MSANTD7: variants seen among roughly 807,000 people sequenced by gnomAD.
The protein encoded by MSANTD7 is Myb/SANT DNA binding domain containing 7.
the MSANTD7 span, chr10:14,845,954 T>C: frequency 3.4e-6 from 3 of 871,570 alleles, no homozygotes; most frequent in Non-Finnish European, 4.1e-6. Flanking sequence ...AAATTTGAAA[T>C]AGCATAATAA....
chr10:14,841,086 ATCTCTTACCTGTTTATCTTATTTTCTG>A, the MSANTD7 span: 17 of 152,194 alleles, frequency 1.1e-4, no homozygotes, highest in African/African-American at 4.1e-4. Context: ...TTATGCAGGT[ATCTCTTACCTGTTTATCTTATTTTCTG>A]TCTCTTACCT....
At chr10:14,842,796 T>A in the MSANTD7 span, 2 of 1,536,312 alleles carry the variant, frequency 1.3e-6, no homozygotes, top group Non-Finnish European at 1.7e-6. This position sits in a 1 kb window ranked among gnomAD's most constrained non-coding sequence, Gnocchi z 5.2. Flanking sequence ...AGTGACCGGA[T>A]ACGAGAAACC....
the MSANTD7 span, chr10:14,844,922 T>C: frequency 8.1e-6 from 8 of 985,352 alleles, no homozygotes; most frequent in African/African-American, 1.4e-4. Context: ...CTAGAAACGT[T>C]TCCTTTTGAG....
At chr10:14,844,070 G>T in the MSANTD7 span, 3 of 1,428,504 alleles carry the variant, frequency 2.1e-6, no homozygotes, top group Non-Finnish European at 2.7e-6. Flanking sequence ...TCCACCAAAT[G>T]GAAGACCTTT....
the MSANTD7 span, chr10:14,838,364 G>C: frequency 2.1e-5 from 33 of 1,572,844 alleles, no homozygotes; most frequent in Non-Finnish European, 2.8e-5. Context: ...TGCTGTTGGG[G>C]GACCCCCTCA....
the MSANTD7 span, among the ~76,000 whole-genome samples, chr10:14,840,610 C>A: frequency 2.6e-5 from 4 of 152,118 alleles, no homozygotes; most frequent in African/African-American, 9.7e-5. Flanking sequence ...ACTTGACTTA[C>A]AAATTTAATC....
the MSANTD7 span, chr10:14,846,643 ACT>A: frequency 1.1e-6 from 1 of 946,316 alleles, no homozygotes; most frequent in Non-Finnish European, 1.3e-6. Flanking sequence ...AAAGTGGGAA[ACT>A]CATAATTGTC....
chr10:14,842,144 G>A, the MSANTD7 span: 2,160 of 1,534,118 alleles, frequency 1.4e-3, 4 homozygotes, highest in Non-Finnish European at 1.7e-3. The surrounding 1 kb of genome is among the most constrained non-coding windows in gnomAD (Gnocchi z 5.2). Flanking sequence ...CCAGAAATGC[G>A]GTCCTTGGAC....
At chr10:14,843,600 C>T in the MSANTD7 span, 17 of 1,550,572 alleles carry the variant, frequency 1.1e-5, no homozygotes, top group African/African-American at 2.3e-4. Flanking sequence ...CCAGTGAGCC[C>T]CCTCCAAGGT....
chr10:14,842,788 T>TGAC, the MSANTD7 span: 1 of 1,536,408 alleles, frequency 6.5e-7, no homozygotes, highest in Non-Finnish European at 8.7e-7. This position sits in a 1 kb window ranked among gnomAD's most constrained non-coding sequence, Gnocchi z 5.2. Flanking sequence ...TAAGAATCAG[T>TGAC]GACCGGATAC....
At chr10:14,843,070 C>T in the MSANTD7 span, among the ~76,000 whole-genome samples, 77 of 152,344 alleles carry the variant, frequency 5.1e-4, no homozygotes, top group African/African-American at 1.6e-3. Context: ...CCTAGAAGTG[C>T]TCTCTAGAAC....
At chr10:14,842,744 A>C in the MSANTD7 span, 1 of 1,536,578 alleles carries the variant, frequency 6.5e-7, no homozygotes, top group Non-Finnish European at 8.7e-7. This position sits in a 1 kb window ranked among gnomAD's most constrained non-coding sequence, Gnocchi z 5.2. Context: ...GCCTATCTTG[A>C]AAACAGTTAA....
the MSANTD7 span, chr10:14,842,629 T>C: frequency 3.9e-6 from 6 of 1,536,116 alleles, no homozygotes; most frequent in African/African-American, 1.4e-5. This position sits in a 1 kb window ranked among gnomAD's most constrained non-coding sequence, Gnocchi z 5.2. Flanking sequence ...TGGAGGATGC[T>C]GCTTGGGCCA....
At chr10:14,841,025 T>G in the MSANTD7 span, 1 of 152,196 alleles carries the variant, frequency 6.6e-6, no homozygotes, top group East Asian at 1.9e-4. Flanking sequence ...AGTGAGAATT[T>G]AAGTAAAAAT....
At chr10:14,839,891 GT>G in the MSANTD7 span, 1 of 1,603,816 alleles carries the variant, frequency 6.2e-7, no homozygotes. Flanking sequence ...TGTATTTCGT[GT>G]TTTTTTCTCT....
At chr10:14,846,745 G>A in the MSANTD7 span, 1 of 985,320 alleles carries the variant, frequency 1.0e-6, no homozygotes, top group Non-Finnish European at 1.2e-6. Flanking sequence ...CATGTAACAA[G>A]TAGGGGAAAG....
chr10:14,838,369 C>T, the MSANTD7 span: 287 of 1,580,114 alleles, frequency 1.8e-4, 1 homozygote, highest in African/African-American at 2.7e-3. Flanking sequence ...TTGGGGGACC[C>T]CCTCATTCCT....
chr10:14,844,209 G>T, the MSANTD7 span: 2 of 1,139,412 alleles, frequency 1.8e-6, no homozygotes, highest in South Asian at 3.5e-5. Flanking sequence ...GTAAAATGGG[G>T]ATCAATAATA....
At chr10:14,846,821 A>C in the MSANTD7 span, 1 of 985,416 alleles carries the variant, frequency 1.0e-6, no homozygotes, top group Non-Finnish European at 1.2e-6. Flanking sequence ...GGGATATTCA[A>C]GTAGGAGGAG....
Sources: gnomAD v4.1 joint callset for allele counts (sites outside exome capture counted in the v4.1 genomes callset) on GRCh38, gnomAD v4.1.1 for gene constraint, Gnocchi (gnomAD v3.1) non-coding constraint, MANE v1.5 for transcripts, NCBI Gene and HGNC (gene_info 2026-07-23, HGNC 2026-07-21) for gene names.